The following CALN1 variants were observed in gnomAD, a reference collection of about 807,000 sequenced individuals.
CALN1 encodes the protein calneuron 1.
In CALN1, 17 loss-of-function variants were observed where a neutral mutation model predicts 30.6. That is an observed-to-expected ratio of 0.56 (90% confidence interval 0.38 to 0.83). The LOEUF (loss-of-function observed/expected upper bound fraction) is 0.83. Among genes scored for constraint, CALN1 ranks in the 40% least tolerant of loss-of-function variants. The pLI is 0.00. For missense variants in CALN1, 291 were observed against 354.9 expected (o/e 0.82, Z 1.45); for synonymous variants, 156 against 131.4 (o/e 1.19, Z -1.28).
At chr7:71,861,389 A>T (rs1285895837) in intron 5 of CALN1, among the ~76,000 whole-genome samples, 2 of 152,046 alleles carry the variant, frequency 1.3e-5, no homozygotes, top group African/African-American at 4.8e-5. Context: ...CTCTTTTTTA[A>T]TCCCTTCTGG....
chr7:71,972,248 C>G (rs1391036952), intron 5 of CALN1, among the ~76,000 whole-genome samples: 1 of 152,134 alleles, frequency 6.6e-6, no homozygotes, highest in African/African-American at 2.4e-5. Context: ...TCAATTCGTT[C>G]TGAACACCCC....
chr7:72,239,460 C>G (rs563657500), intron 3 of CALN1, among the ~76,000 whole-genome samples: 1 of 152,150 alleles, frequency 6.6e-6, no homozygotes, highest in Non-Finnish European at 1.5e-5. Context: ...GTCTTAGCTT[C>G]TAAACCCTCT....
At chr7:71,909,318 T>C (rs1438055160) in intron 5 of CALN1, among the ~76,000 whole-genome samples, 1 of 152,196 alleles carries the variant, frequency 6.6e-6, no homozygotes, top group Non-Finnish European at 1.5e-5. Flanking sequence ...AGTTTCTCAT[T>C]GCGGCAAGCC....
In CALN1 at chr7:72,363,795, C is replaced by T. The variant is rs139615221; in HGVS notation, c.119+39456G>A. On this transcript the variant is annotated intron_variant, in intron 2 of 6. Coordinates refer to ENST00000395275, the MANE Select transcript of CALN1 (RefSeq NM_031468.4). ...AGGCTGGAGTGCAGTGGCACAATCTCGGGCTCACTGCAACCCCCGCCTCCT... is the reference window on the plus strand; with the variant it reads ...AGGCTGGAGTGCAGTGGCACAATCTTGGGCTCACTGCAACCCCCGCCTCCT... Among the ~76,000 whole-genome samples, 624 of 143,780 alleles carry T rather than the reference C, an allele frequency of 4.3e-3. 7 individuals are homozygous for T. The highest frequency in any genetic ancestry group is 0.015 in the African/African-American group (598 of 38,820). The allele number at this position is 143,780 out of a possible 152,430, so 94.3% of individuals were successfully genotyped here.
intron 6 of CALN1, among the ~76,000 whole-genome samples, chr7:71,803,533 G>A (rs1271167150): frequency 3.3e-5 from 5 of 152,122 alleles, no homozygotes; most frequent in African/African-American, 1.2e-4. Context: ...GGAGTGCAGT[G>A]GCACAATCTC....
At chr7:71,852,719 C>T (rs546522813) in intron 5 of CALN1, among the ~76,000 whole-genome samples, 33 of 152,304 alleles carry the variant, frequency 2.2e-4, no homozygotes, top group Admixed American at 1.7e-3. Flanking sequence ...TGCCAACATT[C>T]GGTATTTTCA....
At chr7:72,135,546 T>C (rs1809450039) in intron 3 of CALN1, among the ~76,000 whole-genome samples, 1 of 152,222 alleles carries the variant, frequency 6.6e-6, no homozygotes. Flanking sequence ...TCTTTTCTTC[T>C]GAGCAGTATT....
chr7:71,857,016 A>ATGTGTGTATGTG (rs776937897), intron 5 of CALN1, among the ~76,000 whole-genome samples: 23 of 142,322 alleles, frequency 1.6e-4, no homozygotes, highest in South Asian at 4.6e-4. Context: ...GTGTATATGT[A>ATGTGTGTATGTG]TGTGTGTGTG....
At chr7:72,391,042 T>C (rs963082101) in intron 2 of CALN1, among the ~76,000 whole-genome samples, 2 of 152,216 alleles carry the variant, frequency 1.3e-5, no homozygotes, top group African/African-American at 4.8e-5. Flanking sequence ...AATTCTCCAG[T>C]TACTCCCAAG....
At chr7:72,397,492 A>T (rs960850205) in intron 2 of CALN1, among the ~76,000 whole-genome samples, 1 of 152,152 alleles carries the variant, frequency 6.6e-6, no homozygotes, top group Admixed American at 6.5e-5. Flanking sequence ...CAGCAGATAT[A>T]AGAATGAATA....
rs146223592 is a variant in CALN1 at position 71,973,138 on chromosome 7, A to G, written c.501+50519T>C. Among the ~76,000 whole-genome samples, 41 of 151,982 alleles carry G rather than the reference A, an allele frequency of 2.7e-4. No homozygotes were observed. In the East Asian group the frequency reaches 7.7e-3, roughly 29 times the overall value. On this transcript the variant is annotated intron_variant, in intron 5 of 6. Transcript: ENST00000395275. ...AAAAAATAATCCTGCACTACTTAAC[A>G]GGCACATTCCCTGAAAATTGAATTC...
At chr7:72,035,831 G>A (rs771914100) in intron 4 of CALN1, among the ~76,000 whole-genome samples, 2 of 152,096 alleles carry the variant, frequency 1.3e-5, no homozygotes, top group Non-Finnish European at 2.9e-5. Flanking sequence ...TTTTGAAAAC[G>A]CATTAATGTC....
intron 3 of CALN1, among the ~76,000 whole-genome samples, chr7:72,247,274 A>T (rs2129551778): frequency 1.1e-5 from 1 of 88,742 alleles, no homozygotes; most frequent in East Asian, 3.5e-4. Context: ...TTTGAGATGG[A>T]GTCTCACTCT....
chr7:72,418,177 C>T (rs771261133), intron 1 of CALN1, among the ~76,000 whole-genome samples: 29 of 151,320 alleles, frequency 1.9e-4, no homozygotes, highest in Non-Finnish European at 3.1e-4. Context: ...TCCACATGTA[C>T]CCAATGTTTC....
At chr7:71,805,010 C>T (rs183635654) in intron 6 of CALN1, among the ~76,000 whole-genome samples, 2 of 152,154 alleles carry the variant, frequency 1.3e-5, no homozygotes, top group Admixed American at 1.3e-4. Flanking sequence ...TTTTCAAGTC[C>T]TCCCATTAAT....
chr7:71,793,730 A>C (rs1584228034), intron 6 of CALN1, among the ~76,000 whole-genome samples: 1 of 152,012 alleles, frequency 6.6e-6, no homozygotes, highest in African/African-American at 2.4e-5. Flanking sequence ...AGAAAAATTA[A>C]CTGAGCACGG....
intron 1 of CALN1, among the ~76,000 whole-genome samples, chr7:72,446,076 C>T (rs1403868857): frequency 6.6e-6 from 1 of 152,118 alleles, no homozygotes; most frequent in African/African-American, 2.4e-5. Flanking sequence ...CCCGGGACCC[C>T]CAGAGATGAC....
chr7:72,311,651 ATTTTTTTT>A (rs56197069), intron 2 of CALN1, among the ~76,000 whole-genome samples: 26 of 48,534 alleles, frequency 5.4e-4, no homozygotes, highest in South Asian at 1.0e-3. Flanking sequence ...CCTGGCTGAG[ATTTTTTTT>A]TTTTTTTTTT....
At chr7:71,968,921 C>T (rs1048770238) in intron 5 of CALN1, among the ~76,000 whole-genome samples, 8 of 150,632 alleles carry the variant, frequency 5.3e-5, no homozygotes, top group Admixed American at 3.3e-4. Context: ...TAGTGGCACT[C>T]ACCTGTAGTC....
Sources: gnomAD v4.1 joint callset for allele counts (sites outside exome capture counted in the v4.1 genomes callset) on GRCh38, gnomAD v4.1.1 for gene constraint, MANE v1.5 for transcripts, NCBI Gene and HGNC (gene_info 2026-07-23, HGNC 2026-07-21) for gene names.